PPP1R12B: variants seen among roughly 807,000 people sequenced by gnomAD.
The protein encoded by PPP1R12B is protein phosphatase 1 regulatory subunit 12B.
A neutral mutation model predicts 126.1 loss-of-function variants in PPP1R12B; 76 were observed. The ratio of observed to expected loss-of-function variants is 0.60; its 90% CI spans 0.50 to 0.73. The LOEUF is 0.73. PPP1R12B is among the 30% of genes least tolerant of loss of function. The probability of loss-of-function intolerance (pLI) is 0.00; values close to 1 mark genes in which losing one functional copy is unlikely to be tolerated. For synonymous variants in PPP1R12B, 356 were observed against 434.7 expected, an observed-to-expected ratio of 0.82 and a Z score of 2.25; for missense variants, 1,052 against 1,205.1, an observed-to-expected ratio of 0.87 and a Z score of 1.88.
intron 18 of PPP1R12B, among the ~76,000 whole-genome samples, chr1:202,526,981 A>G (rs1683415320): frequency 6.6e-6 from 1 of 152,178 alleles, no homozygotes; most frequent in Non-Finnish European, 1.5e-5. Flanking sequence ...AGGTTAAAAA[A>G]TTAGAAAAAG....
chr1:202,566,604 A>C (rs1688071009), intron 21 of PPP1R12B, among the ~76,000 whole-genome samples: 1 of 152,210 alleles, frequency 6.6e-6, no homozygotes, highest in African/African-American at 2.4e-5. Flanking sequence ...CAACTTCTAC[A>C]GCTCCTCAGG....
intron 13 of PPP1R12B, among the ~76,000 whole-genome samples, chr1:202,479,589 T>C (rs557144985): frequency 6.6e-6 from 1 of 150,782 alleles, no homozygotes; most frequent in African/African-American, 2.4e-5. Context: ...CCCCAGACTT[T>C]GATTTAGAAC....
At chr1:202,361,224 T>C (rs1658146680) in intron 1 of PPP1R12B, among the ~76,000 whole-genome samples, 1 of 152,176 alleles carries the variant, frequency 6.6e-6, no homozygotes, top group African/African-American at 2.4e-5. Context: ...TTCCCTATAT[T>C]AGTCTGTTTT....
chr1:202,545,370 G>A (rs144512314), intron 18 of PPP1R12B, among the ~76,000 whole-genome samples: 6 of 152,330 alleles, frequency 3.9e-5, no homozygotes, highest in African/African-American at 1.4e-4. Flanking sequence ...CATGTCCTAC[G>A]TAGAGCTGGG....
At chr1:202,408,781 G>A (rs1209127308) in intron 1 of PPP1R12B, among the ~76,000 whole-genome samples, 1 of 151,054 alleles carries the variant, frequency 6.6e-6, no homozygotes. Context: ...TAAGGCTGCT[G>A]TGAACATGGG....
At chr1:202,502,085 T>C (rs1056430071) in intron 18 of PPP1R12B, 24 of 985,602 alleles carry the variant, frequency 2.4e-5, no homozygotes, top group African/African-American at 1.7e-5. Context: ...TTTAGATAAA[T>C]CAGGTGGCAC....
Position 202,348,908 on chromosome 1 carries a change from G to A in PPP1R12B, c.57G>A (p.Arg19=). The change falls in exon 1 of 24, where the codon CGG becomes CGA. Residue 19 remains arginine, a synonymous_variant. Transcript: ENST00000608999. ...GKRAESARMR[R]AEQLRRWRGS... ...GGGCAGAGTCGGCGCGAATGCGGCGGGCAGAGCAGCTTCGGCGCTGGCGGG... is the reference window on the plus strand; with the variant it reads ...GGGCAGAGTCGGCGCGAATGCGGCGAGCAGAGCAGCTTCGGCGCTGGCGGG... 3.7e-6 allele frequency: 6 copies of A among 1,609,948 alleles called. No individual in the cohort carries two copies. The highest frequency in any genetic ancestry group is 2.2e-5 in the South Asian group (2 of 90,544).
At chr1:202,469,483 T>TA (rs1341805684) in intron 13 of PPP1R12B, among the ~76,000 whole-genome samples, 1 of 152,028 alleles carries the variant, frequency 6.6e-6, no homozygotes, top group East Asian at 1.9e-4. Context: ...AAATAGAAGT[T>TA]AAAAAAAATT....
chr1:202,548,788 C>A (rs1685953405), intron 18 of PPP1R12B, among the ~76,000 whole-genome samples: 1 of 105,382 alleles, frequency 9.5e-6, no homozygotes, highest in Non-Finnish European at 2.0e-5. Flanking sequence ...CTCTCTCTCT[C>A]TCTCTCTCTC....
chr1:202,374,819 C>G (rs1253049481), intron 1 of PPP1R12B, among the ~76,000 whole-genome samples: 7 of 152,168 alleles, frequency 4.6e-5, no homozygotes, highest in Non-Finnish European at 1.0e-4. Context: ...GCTAGGATTA[C>G]AGGCGTGAGC....
chr1:202,451,377 C>G (rs560550202), intron 13 of PPP1R12B, among the ~76,000 whole-genome samples: 5 of 147,780 alleles, frequency 3.4e-5, no homozygotes, highest in Admixed American at 1.4e-4. Flanking sequence ...TGACTCTTAA[C>G]GAGCATGCTG....
chr1:202,560,598 C>T (rs535431595), intron 19 of PPP1R12B, among the ~76,000 whole-genome samples: 1 of 152,148 alleles, frequency 6.6e-6, no homozygotes, highest in Non-Finnish European at 1.5e-5. Flanking sequence ...GGGTTTTAGC[C>T]AGCTTCTTCA....
At chr1:202,349,498 A>C (rs1210138293) in intron 1 of PPP1R12B, among the ~76,000 whole-genome samples, 1 of 152,194 alleles carries the variant, frequency 6.6e-6, no homozygotes, top group Non-Finnish European at 1.5e-5. Context: ...TCATAGGCAC[A>C]GTGTCATTTG....
At chr1:202,413,143 G>A (rs917202584) in intron 1 of PPP1R12B, among the ~76,000 whole-genome samples, 6 of 151,746 alleles carry the variant, frequency 4.0e-5, no homozygotes, top group Admixed American at 6.6e-5. Context: ...CAGATTGGAG[G>A]AATATATTAT....
At chr1:202,513,489 C>T (rs1681774271) in intron 18 of PPP1R12B, among the ~76,000 whole-genome samples, 1 of 152,038 alleles carries the variant, frequency 6.6e-6, no homozygotes, top group Non-Finnish European at 1.5e-5. Context: ...ACCTATCAGA[C>T]ATAAGAAAGT....
chr1:202,506,801 A>T (rs944516210), intron 18 of PPP1R12B, among the ~76,000 whole-genome samples: 1 of 152,238 alleles, frequency 6.6e-6, no homozygotes, highest in Non-Finnish European at 1.5e-5. Context: ...AAGAAAATTC[A>T]TGAAGTATAG....
chr1:202,400,234 G>A (rs12753773), intron 1 of PPP1R12B, among the ~76,000 whole-genome samples: 78 of 152,128 alleles, frequency 5.1e-4, no homozygotes, highest in Non-Finnish European at 7.8e-4. Context: ...TTCTATCCTC[G>A]TTATTAATGT....
At chr1:202,365,450 A>G (rs537552590) in intron 1 of PPP1R12B, among the ~76,000 whole-genome samples, 1 of 152,254 alleles carries the variant, frequency 6.6e-6, no homozygotes, top group Admixed American at 6.5e-5. Flanking sequence ...AAAAAAAAGT[A>G]ATTTTTACTG....
At chr1:202,437,790 TTTTCA>T in intron 9 of PPP1R12B, 26 bp from the exon 10 acceptor site, 2 of 1,559,478 alleles carry the variant, frequency 1.3e-6, no homozygotes, top group Non-Finnish European at 1.7e-6. Flanking sequence ...GAGCCTTTAT[TTTTCA>T]TTTCTTTTAT....
Sources: gnomAD v4.1 joint callset for allele counts (sites outside exome capture counted in the v4.1 genomes callset) on GRCh38, gnomAD v4.1.1 for gene constraint, MANE v1.5 for transcripts, NCBI Gene and HGNC (gene_info 2026-07-23, HGNC 2026-07-21) for gene names.